CFHR4: variants seen among roughly 807,000 people sequenced by gnomAD.
The protein encoded by CFHR4 is complement factor H-related protein 4.
In CFHR4, 64 loss-of-function variants were observed where a neutral mutation model predicts 69.3. The observed-to-expected ratio is 0.92, with a 90% CI of 0.76 to 1.14. CFHR4 has a LOEUF of 1.14. CFHR4 is among the 50% of genes most tolerant of loss of function. The pLI, the probability that CFHR4 is intolerant of heterozygous loss-of-function variation, is 0.00. For missense variants in CFHR4, 636 were observed against 684.9 expected, an observed-to-expected ratio of 0.93 and a Z score of 0.80; for synonymous variants, 244 against 237.0, an observed-to-expected ratio of 1.03 and a Z score of -0.27.
chr1:196,900,161 G>A (rs1057038024), intron 1 of CFHR4, among the ~76,000 whole-genome samples: 1 of 151,484 alleles, frequency 6.6e-6, no homozygotes, highest in East Asian at 1.9e-4. Context: ...AAATTAGTGA[G>A]TATTTTAATC....
Position 196,917,157 on chromosome 1 carries a change from A to G in CFHR4, c.1541-1053A>G, listed in dbSNP as rs1166618918. Reference sequence around the variant, plus strand: ...GTAAGTACTTGAAAGATGTATTAAAATATGATTGGGGAAATTTCTAAAGAA... The same window carrying G: ...GTAAGTACTTGAAAGATGTATTAAAGTATGATTGGGGAAATTTCTAAAGAA... On this transcript the variant is annotated intron_variant, in intron 9 of 9. Transcript: ENST00000608469. Among the ~76,000 whole-genome samples, 3 of 140,798 alleles carry G rather than the reference A, an allele frequency of 2.1e-5. No homozygotes were observed. In the East Asian group the frequency reaches 7.3e-4, roughly 34 times the overall value. The allele number at this position is 140,798 out of a possible 152,430, so 92.4% of individuals were successfully genotyped here.
intron 1 of CFHR4, among the ~76,000 whole-genome samples, chr1:196,889,786 A>G (rs182307891): frequency 2.6e-5 from 4 of 151,606 alleles, no homozygotes; most frequent in African/African-American, 9.7e-5. Context: ...GGAGAGCTTA[A>G]AGATGTAATT....
chr1:196,912,263 A>G (rs1316998423), intron 6 of CFHR4, among the ~76,000 whole-genome samples: 1 of 151,360 alleles, frequency 6.6e-6, no homozygotes, highest in Non-Finnish European at 1.5e-5. Flanking sequence ...ACTTAAGATG[A>G]CGACCACTTT....
chr1:196,918,400 C>A lies in CFHR4; in HGVS notation c.1731C>A (p.Cys577Ter), dbSNP rs760031130. The change falls in exon 10 of 10, where the codon TGC becomes TGA. Residue 577 changes from cysteine (C) to a stop codon, truncating the protein, a stop_gained. Transcript: ENST00000608469. LOFTEE classifies it high-confidence loss of function. Reference sequence around the variant, plus strand: ...AAGGCATAGTGGAATACCCCAGATGCGAATAAGGCAGCATTGTTACCCTAA... The same window carrying A: ...AAGGCATAGTGGAATACCCCAGATGAGAATAAGGCAGCATTGTTACCCTAA... Reference protein sequence around the residue: ...CREGIVEYPRCE With the variant: ...CREGIVEYPR 6.8e-6 allele frequency: 11 copies of A among 1,610,646 alleles called. 1 individual carries two copies. The African/African-American group carries it at 1.2e-4, about 18-fold the overall frequency.
Position 196,906,877 on chromosome 1 carries a change from T to C in CFHR4, c.456T>C (p.Pro152=), listed in dbSNP as rs1320706538. 8.1e-6 allele frequency: 13 copies of C among 1,602,936 alleles called. No homozygotes were observed. Among genetic ancestry groups the C allele is most frequent in the East Asian group, 6.7e-5 (3 of 44,616 alleles). ...QPICIKFCDM[P]VFENSRAKSN... The stretch of plus-strand genomic sequence containing the variant: ...TTGTTTCAGAATTTTGTGATATGCC[T>C]GTTTTTGAGAATTCCAGAGCCAAGA... Residue 152 remains proline, a synonymous_variant, in exon 4 of 10, where the codon CCT becomes CCC. Transcript: ENST00000608469.
At position 196,910,336 on chromosome 1, in the gene CFHR4, TACGCGTAG is replaced by T. The variant is rs770991524; in HGVS notation, c.858_865del (p.Arg287IlefsTer15). 8.1e-6 allele frequency: 13 copies of T among 1,611,260 alleles called. No homozygotes were observed. Among genetic ancestry groups the T allele is most frequent in the Non-Finnish European group, 1.1e-5 (13 of 1,178,776 alleles). On this transcript the variant is annotated frameshift_variant, in exon 6 of 10. Transcript: ENST00000608469. LOFTEE classifies it high-confidence loss of function. Reference sequence around the variant, plus strand: ...AACATGGACATCTATATTATGAGAATACGCGTAGACCATACTTTCCAGTAGCTACAGGA... The same window carrying T: ...AACATGGACATCTATATTATGAGAATACCATACTTTCCAGTAGCTACAGGA...
chr1:196,912,826 T>G lies in CFHR4; in HGVS notation c.1084T>G (p.Tyr362Asp). 6.2e-7 allele frequency: 1 copy of G among 1,608,592 alleles called. No individual in the cohort carries two copies. Among genetic ancestry groups the G allele is most frequent in the South Asian group, 1.1e-5 (1 of 89,710 alleles). ...TTATATTTTAAATAAAGAAATACAA[T>G]ATAAATGTAAACCAGGATATGCAAC... is the stretch of plus-strand genomic sequence containing the variant. ...SIYILNKEIQ[Y>D]KCKPGYATAD... is the part of the protein sequence containing the mutation. Residue 362 changes from tyrosine to aspartate, a missense_variant, in exon 7 of 10, where the codon TAT becomes GAT. By Grantham distance (160) the Tyr-to-Asp change is radical. Around this residue, in one of 3 missense-constraint regions of CFHR4, gnomAD observed 529 missense variants for 533.2 expected, o/e 0.99. Transcript: ENST00000608469.
At position 196,918,255 on chromosome 1, in the gene CFHR4, A is replaced by C. The variant is rs761379831; in HGVS notation, c.1586A>C (p.Gln529Pro). Reference protein sequence around the residue: ...TEENMNKNNIQLKGKSDIKYY... With the variant: ...TEENMNKNNIPLKGKSDIKYY... ...GAAAACATGAATAAAAATAACATAC[A>C]GTTAAAAGGAAAAAGTGACATAAAA... Residue 529 changes from glutamine to proline, a missense_variant, in exon 10 of 10, where the codon CAG (glutamine) becomes CCG (proline). Gln to Pro is a moderately conservative substitution (Grantham distance 76, BLOSUM62 -1). Around this residue, in one of 3 missense-constraint regions of CFHR4, gnomAD observed 85 missense variants for 79.0 expected, o/e 1.08. Transcript: ENST00000608469. 1 of 1,606,894 alleles carries C rather than the reference A, an allele frequency of 6.2e-7. No homozygotes were observed. The highest frequency in any genetic ancestry group is 1.7e-5 in the Admixed American group (1 of 59,792).
In CFHR4 at chr1:196,907,389, T is replaced by C; in HGVS notation, c.690T>C (p.Tyr230=). 6.2e-7 allele frequency: 1 copy of C among 1,612,072 alleles called. No homozygotes were observed. The highest frequency in any genetic ancestry group is 1.1e-5 in the South Asian group (1 of 91,028). The change falls in exon 5 of 10, where the codon TAT becomes TAC. Residue 230 remains tyrosine (Y), a synonymous_variant. Transcript: ENST00000608469. Reference sequence around the variant, plus strand: ...CCACGTCCTTCCCGCAAAAAGTGTATCTGCCATGGTCAAGAGTCGAGTACC... The same window carrying C: ...CCACGTCCTTCCCGCAAAAAGTGTACCTGCCATGGTCAAGAGTCGAGTACC... ...GDTTSFPQKV[Y]LPWSRVEYQC...
At chr1:196,888,711 A>G (rs1381308565) in intron 1 of CFHR4, among the ~76,000 whole-genome samples, 1 of 151,368 alleles carries the variant, frequency 6.6e-6, no homozygotes, top group South Asian at 2.1e-4. Flanking sequence ...CATCTAATTA[A>G]CATTAATATG....
intron 9 of CFHR4, 120 bp from the exon 10 acceptor site, chr1:196,918,090 T>C: frequency 9.1e-7 from 1 of 1,093,890 alleles, no homozygotes; most frequent in South Asian, 1.7e-5. Flanking sequence ...AATTAATAAC[T>C]ATTAACTATT....
chr1:196,913,131 A>G (rs1658374378), intron 7 of CFHR4, among the ~76,000 whole-genome samples: 2 of 151,590 alleles, frequency 1.3e-5, no homozygotes, highest in Non-Finnish European at 1.5e-5. Context: ...ATCTCTTACA[A>G]CTCAATCTGC....
intron 5 of CFHR4, among the ~76,000 whole-genome samples, chr1:196,909,095 AG>A (rs1309394548): frequency 3.3e-5 from 5 of 151,620 alleles, no homozygotes; most frequent in African/African-American, 1.2e-4. Context: ...ATGATTTCAT[AG>A]GAAAAATTTA....
chr1:196,909,142 TTTGA>T (rs1658097270), intron 5 of CFHR4, among the ~76,000 whole-genome samples: 1 of 151,442 alleles, frequency 6.6e-6, no homozygotes, highest in Non-Finnish European at 1.5e-5. Flanking sequence ...GAGTCTTAAA[TTTGA>T]TTGACTGAGG....
chr1:196,902,158 G>A (rs1657650471), intron 1 of CFHR4, among the ~76,000 whole-genome samples: 1 of 151,416 alleles, frequency 6.6e-6, no homozygotes, highest in East Asian at 1.9e-4. Context: ...TCTCAACCAG[G>A]AAGCTCACTA....
At chr1:196,894,093 G>A (rs758804801) in intron 1 of CFHR4, among the ~76,000 whole-genome samples, 3 of 151,266 alleles carry the variant, frequency 2.0e-5, no homozygotes, top group Non-Finnish European at 2.9e-5. Flanking sequence ...GCTTAACTTC[G>A]CTAATATAGA....
chr1:196,914,479 T>C lies in CFHR4; in HGVS notation c.1181-16T>C. ...TATGGCATAGAAAAGCAATCCTCAA[T>C]TTTATTTTGTTTCAGAATTTTGTGA... On this transcript the variant is annotated splice_polypyrimidine_tract_variant and intron_variant, in intron 7 of 9. Transcript: ENST00000608469. 2.5e-6 allele frequency: 4 copies of C among 1,602,568 alleles called. No individual in the cohort carries two copies. The highest frequency in any genetic ancestry group is 3.4e-6 in the Non-Finnish European group (4 of 1,174,398).
chr1:196,891,517 G>C (rs1175994874), intron 1 of CFHR4, among the ~76,000 whole-genome samples: 1 of 151,348 alleles, frequency 6.6e-6, no homozygotes, highest in Non-Finnish European at 1.5e-5. Context: ...AGAAAGTAAA[G>C]ATGTCACTTC....
In CFHR4 at chr1:196,888,096, C is replaced by T; in HGVS notation, c.-55C>T. The T allele has an allele frequency of 1.3e-6, 2 of 1,563,906 alleles. No homozygotes were observed. The highest frequency in any genetic ancestry group is 8.8e-7 in the Non-Finnish European group (1 of 1,138,460). Reference sequence around the variant, plus strand: ...GTAACTAATAATGAAAGATTTCAAACCCCAAACAGTGCAACTGAAACTTTT... The same window carrying T: ...GTAACTAATAATGAAAGATTTCAAATCCCAAACAGTGCAACTGAAACTTTT... On this transcript the variant is annotated 5_prime_UTR_variant, in exon 1 of 10. Transcript: ENST00000608469.
Sources: gnomAD v4.1 joint callset for allele counts (sites outside exome capture counted in the v4.1 genomes callset) on GRCh38, gnomAD v4.1.1 for gene constraint, gnomAD v4.1.1 regional missense constraint, MANE v1.5 for transcripts, NCBI Gene and HGNC (gene_info 2026-07-23, HGNC 2026-07-21) for gene names.